CENPU: variants seen among roughly 807,000 people sequenced by gnomAD.
The protein encoded by CENPU is KSHV latent nuclear antigen interacting protein 1.
In CENPU, 46 loss-of-function variants were observed where a neutral mutation model predicts 56.7. That is an observed-to-expected ratio of 0.81 (90% confidence interval 0.64 to 1.04). The LOEUF (loss-of-function observed/expected upper bound fraction) is 1.04. CENPU is among the 50% of genes least tolerant of loss of function. The pLI is 0.00. For synonymous variants in CENPU, 166 were observed against 163.0 expected (o/e 1.02, Z -0.14); for missense variants, 510 against 490.1 (o/e 1.04, Z -0.38).
At position 184,695,087 on chromosome 4, in the gene CENPU, AGAT is replaced by A. The variant is rs1253994750; in HGVS notation, c.*198_*200del. The A allele has an allele frequency of 1.0e-4, 57 of 545,338 alleles. No individual in the cohort carries two copies. In the East Asian group the frequency reaches 1.7e-3, roughly 16 times the overall value. The allele number at this position is 545,338 out of a possible 1,614,324, so 33.8% of individuals were successfully genotyped here. On this transcript the variant is annotated 3_prime_UTR_variant, in exon 13 of 13. Transcript: ENST00000281453. ...AATTACTCAAGATATTAACCAGAAA[AGAT>A]GATTATGGCCTTTAAAACTATTGGA...
chr4:184,722,200 G>A (rs947307724), intron 4 of CENPU, among the ~76,000 whole-genome samples: 1 of 152,054 alleles, frequency 6.6e-6, no homozygotes, highest in Non-Finnish European at 1.5e-5. Flanking sequence ...AATGATAATG[G>A]AAACACAACA....
At chr4:184,722,684 A>G (rs1489181769) in intron 4 of CENPU, among the ~76,000 whole-genome samples, 1 of 151,376 alleles carries the variant, frequency 6.6e-6, no homozygotes, top group African/African-American at 2.4e-5. Flanking sequence ...AGAGAGATGA[A>G]CCAGTAAAAA....
In CENPU at chr4:184,728,975, A is replaced by G. The variant is rs764005725; in HGVS notation, c.157T>C (p.Ser53Pro). 39 of 1,614,060 alleles carry G rather than the reference A, an allele frequency of 2.4e-5. No homozygotes were observed. The highest frequency in any genetic ancestry group is 1.6e-4 in the Middle Eastern group (1 of 6,084). ...TTTTCACCCAGCCTGCCAATGCTTG[A>G]GACATCAGAATTATCAGGAAAGTCG... The part of the protein sequence containing the change: ...VFDFPDNSDV[S>P]SIGRLGENEK... Residue 53 changes from serine to proline, a missense_variant, in exon 3 of 13, where the codon TCA (serine) becomes CCA (proline). By Grantham distance (74) the Ser-to-Pro change is moderately conservative. Coordinates refer to ENST00000281453, the MANE Select transcript of CENPU (RefSeq NM_024629.4).
At chr4:184,732,730 G>A (rs568429557) in intron 1 of CENPU, among the ~76,000 whole-genome samples, 7 of 152,292 alleles carry the variant, frequency 4.6e-5, no homozygotes, top group Non-Finnish European at 7.4e-5. Flanking sequence ...TGGGCCAGGC[G>A]CGGTGGCTCA....
At chr4:184,721,966 G>A (rs1761293882) in intron 4 of CENPU, among the ~76,000 whole-genome samples, 1 of 152,134 alleles carries the variant, frequency 6.6e-6, no homozygotes, top group African/African-American at 2.4e-5. Flanking sequence ...TCAGCACATG[G>A]ATCACTCTCA....
chr4:184,721,164 G>A (rs1431690733), intron 4 of CENPU, among the ~76,000 whole-genome samples: 9 of 152,042 alleles, frequency 5.9e-5, no homozygotes, highest in African/African-American at 9.7e-5. Context: ...TTGTTTATGC[G>A]AGCAGGGTTA....
chr4:184,726,457 A>G (rs972472727), intron 3 of CENPU, among the ~76,000 whole-genome samples: 2 of 152,206 alleles, frequency 1.3e-5, no homozygotes, highest in African/African-American at 4.8e-5. Flanking sequence ...TCAAAACCAC[A>G]GTGAGATAGT....
At chr4:184,730,788 GA>G in intron 2 of CENPU, 131 bp downstream of exon 2, 3 of 588,084 alleles carry the variant, frequency 5.1e-6, no homozygotes, top group Non-Finnish European at 8.8e-6. Context: ...AAAGTGTGAG[GA>G]AAATGAACAC....
At position 184,719,516 on chromosome 4, in the gene CENPU, C is replaced by T. The variant is rs1465091966; in HGVS notation, c.321-2320G>A. The stretch of plus-strand genomic sequence containing the variant: ...CAGCAGGAGCTTGAGCTCTGACAAG[C>T]CTTGCCACTATGGGCTAAAGTGCTC... On this transcript the variant is annotated intron_variant, in intron 4 of 12. Transcript: ENST00000281453. 1.2e-4 allele frequency among the ~76,000 whole-genome samples: 18 copies of T among 152,302 alleles called. No individual in the cohort carries two copies. In the East Asian group the frequency reaches 3.1e-3, roughly 26 times the overall value.
At chr4:184,725,084 G>A (rs1192441944) in intron 3 of CENPU, 22 bp from the exon 4 acceptor site, 2 of 1,502,184 alleles carry the variant, frequency 1.3e-6, no homozygotes, top group East Asian at 2.3e-5. Context: ...CAAAAAAGAA[G>A]CACAACTTTA....
At chr4:184,702,254 G>GT in intron 9 of CENPU, 109 bp downstream of exon 9, 1 of 1,258,616 alleles carries the variant, frequency 7.9e-7, no homozygotes, top group Middle Eastern at 1.9e-4. Flanking sequence ...GTTCTAATGA[G>GT]TTTATTACCA....
intron 4 of CENPU, among the ~76,000 whole-genome samples, chr4:184,717,558 T>A (rs1285600468): frequency 6.6e-6 from 1 of 152,260 alleles, no homozygotes; most frequent in East Asian, 1.9e-4. Flanking sequence ...CACCTTCTTT[T>A]ATCCTTTAAA....
intron 4 of CENPU, among the ~76,000 whole-genome samples, chr4:184,720,385 T>C (rs1182895600): frequency 1.3e-5 from 2 of 151,664 alleles, no homozygotes; most frequent in South Asian, 2.1e-4. Flanking sequence ...GCCTACAGGG[T>C]CTAGAAAAAA....
At chr4:184,710,298 ACAAT>A in intron 7 of CENPU, 118 bp from the exon 8 acceptor site, 1 of 594,796 alleles carries the variant, frequency 1.7e-6, no homozygotes, top group Admixed American at 2.9e-5. Flanking sequence ...CTACAGCTGA[ACAAT>A]CAGAGAGGAG....
intron 7 of CENPU, among the ~76,000 whole-genome samples, chr4:184,711,862 C>T (rs1265534798): frequency 1.3e-5 from 2 of 152,058 alleles, no homozygotes; most frequent in African/African-American, 4.8e-5. Context: ...GTGGCTCACA[C>T]CTGTAATCCC....
intron 4 of CENPU, among the ~76,000 whole-genome samples, chr4:184,717,680 A>G (rs1761137580): frequency 6.6e-6 from 1 of 152,230 alleles, no homozygotes; most frequent in African/African-American, 2.4e-5. Flanking sequence ...CACAGTGAAT[A>G]AAATTACTTT....
chr4:184,728,825 T>C, intron 3 of CENPU, 93 bp downstream of exon 3: 1 of 918,708 alleles, frequency 1.1e-6, no homozygotes. Context: ...GGCAACTAAT[T>C]TTTATATTTG....
intron 11 of CENPU, among the ~76,000 whole-genome samples, chr4:184,700,529 A>G (rs998836686): frequency 5.3e-5 from 8 of 152,044 alleles, no homozygotes; most frequent in Non-Finnish European, 1.0e-4. Flanking sequence ...CAGTTCAAGC[A>G]GTTTAATGTG....
rs552539667 is a variant in CENPU at position 184,694,368 on chromosome 4, A to G, written c.*920T>C. 1 of 1,410,950 alleles carries G rather than the reference A, an allele frequency of 7.1e-7. No homozygotes were observed. The highest frequency in any genetic ancestry group is 1.6e-5 in the South Asian group (1 of 61,210). The allele number at this position is 1,410,950 out of a possible 1,614,324, so 87.4% of individuals were successfully genotyped here. ...CGTTTGAATCAGTGCACTCATTCCC[A>G]CGGTGAGATATCGGAGACAGCATTC... On this transcript the variant is annotated 3_prime_UTR_variant, in exon 13 of 13. Transcript: ENST00000281453.
Sources: allele counts gnomAD v4.1 joint callset (sites outside exome capture counted in the v4.1 genomes callset), GRCh38; gene constraint gnomAD v4.1.1; transcripts MANE v1.5; gene names NCBI Gene and HGNC (gene_info 2026-07-23, HGNC 2026-07-21).